TAFA5: variants seen among roughly 807,000 people sequenced by gnomAD.
The protein encoded by TAFA5 is TAFA chemokine like family member 5, also known as chemokine-like protein TAFA-5.
TAFA5 carries 6 observed loss-of-function variants against 15.3 expected under a neutral mutation model. That is an observed-to-expected ratio of 0.39 (90% confidence interval 0.21 to 0.77). TAFA5 has a LOEUF of 0.77. TAFA5 is among the 30% of genes least tolerant of loss of function. TAFA5 has a pLI of 0.41. For missense variants in TAFA5, 161 were observed against 193.1 expected (o/e 0.83, Z 0.98); for synonymous variants, 103 against 80.7 (o/e 1.28, Z -1.48).
At chr22:48,729,359 A>AG (rs1477706968) in intron 3 of TAFA5, among the ~76,000 whole-genome samples, 11 of 122,788 alleles carry the variant, frequency 9.0e-5, no homozygotes, top group East Asian at 4.2e-4. Flanking sequence ...TTATATTAGT[A>AG]TATAATAATT....
chr22:48,705,943 A>T (rs1187358781), intron 2 of TAFA5, among the ~76,000 whole-genome samples: 6 of 152,184 alleles, frequency 3.9e-5, no homozygotes, highest in Non-Finnish European at 8.8e-5. Context: ...TTCTTTATTT[A>T]AAAAAAGGAA....
chr22:48,662,993 C>T (rs1056252394), intron 2 of TAFA5, among the ~76,000 whole-genome samples: 2 of 152,154 alleles, frequency 1.3e-5, no homozygotes, highest in Non-Finnish European at 2.9e-5. Context: ...CTCATGCCTC[C>T]CACAGGAGCA....
intron 2 of TAFA5, among the ~76,000 whole-genome samples, chr22:48,707,512 C>T (rs889883348): frequency 6.6e-6 from 1 of 152,130 alleles, no homozygotes; most frequent in African/African-American, 2.4e-5. Context: ...CAGAGCGGGA[C>T]TTGGGGAGCA....
rs186852278 is a variant in TAFA5 at position 48,594,159 on chromosome 22, C to T, written c.113-52438C>T. Among the ~76,000 whole-genome samples, 14 of 152,198 alleles carry T rather than the reference C, an allele frequency of 9.2e-5. No individual in the cohort carries two copies. The East Asian group carries it at 1.9e-3, about 21-fold the overall frequency. On this transcript the variant is annotated intron_variant, in intron 1 of 3. Transcript: ENST00000402357. ...CTCTTTCTCTGGGGATGCACAGGGG[C>T]GGTGAGAGGGAAGCAGGCGGCTGCT...
At chr22:48,569,680 G>A (rs753013748) in intron 1 of TAFA5, among the ~76,000 whole-genome samples, 26 of 152,330 alleles carry the variant, frequency 1.7e-4, no homozygotes, top group Non-Finnish European at 3.1e-4. Context: ...CACGGGGGCC[G>A]GGCTCGTCAA....
intron 3 of TAFA5, among the ~76,000 whole-genome samples, chr22:48,715,456 C>T (rs929487944): frequency 4.6e-5 from 7 of 151,310 alleles, no homozygotes; most frequent in African/African-American, 1.5e-4. Flanking sequence ...GGCAGGGAGG[C>T]GAGGAGGCTG....
chr22:48,578,971 T>C (rs1923927181), intron 1 of TAFA5, among the ~76,000 whole-genome samples: 1 of 152,148 alleles, frequency 6.6e-6, no homozygotes, highest in African/African-American at 2.4e-5. Context: ...GGGTGGACAA[T>C]TGTGACTTGT....
chr22:48,570,531 AT>A (rs1256374529), intron 1 of TAFA5, among the ~76,000 whole-genome samples: 1 of 151,972 alleles, frequency 6.6e-6, no homozygotes, highest in African/African-American at 2.4e-5. Context: ...TCACGAATAC[AT>A]TTTTAGTTTC....
At chr22:48,529,292 G>A (rs1438122990) in intron 1 of TAFA5, among the ~76,000 whole-genome samples, 2 of 98,800 alleles carry the variant, frequency 2.0e-5, no homozygotes, top group Non-Finnish European at 4.7e-5. Context: ...AGGAGATGGG[G>A]GTGTCCAGGC....
chr22:48,649,366 G>A (rs1041091192), intron 2 of TAFA5, among the ~76,000 whole-genome samples: 3 of 152,218 alleles, frequency 2.0e-5, no homozygotes, highest in Non-Finnish European at 4.4e-5. Context: ...TGGCACTTGG[G>A]AGGGAGAGTG....
chr22:48,507,564 T>C (rs570994325), intron 1 of TAFA5, among the ~76,000 whole-genome samples: 1 of 152,282 alleles, frequency 6.6e-6, no homozygotes, highest in African/African-American at 2.4e-5. Context: ...CCAGCACGCC[T>C]CCCCAGAGTT....
At chr22:48,607,128 C>T (rs1157642128) in intron 1 of TAFA5, among the ~76,000 whole-genome samples, 1 of 152,248 alleles carries the variant, frequency 6.6e-6, no homozygotes, top group East Asian at 1.9e-4. Context: ...CCGTTAGCCT[C>T]GGAGGCAGTG....
intron 1 of TAFA5, among the ~76,000 whole-genome samples, chr22:48,644,201 C>T (rs903900606): frequency 1.3e-5 from 2 of 152,150 alleles, no homozygotes; most frequent in African/African-American, 2.4e-5. Context: ...TCCAAGTTCC[C>T]GCCCCACAGC....
At chr22:48,645,510 AT>A (rs1344105078) in intron 1 of TAFA5, among the ~76,000 whole-genome samples, 2 of 152,038 alleles carry the variant, frequency 1.3e-5, no homozygotes, top group African/African-American at 4.8e-5. Context: ...CAGGGAAATT[AT>A]TTATGTTGGC....
intron 1 of TAFA5, among the ~76,000 whole-genome samples, chr22:48,551,037 C>T (rs2147126312): frequency 6.6e-6 from 1 of 152,118 alleles, no homozygotes; most frequent in East Asian, 2.0e-4. Flanking sequence ...CCCAGGGCTG[C>T]TCTGAGGGCA....
At chr22:48,611,518 G>T (rs189456343) in intron 1 of TAFA5, among the ~76,000 whole-genome samples, 1 of 152,158 alleles carries the variant, frequency 6.6e-6, no homozygotes, top group Non-Finnish European at 1.5e-5. Flanking sequence ...TATGCCTGGC[G>T]AGGGCTTTTG....
At chr22:48,593,451 A>T (rs1159035700) in intron 1 of TAFA5, among the ~76,000 whole-genome samples, 1 of 147,886 alleles carries the variant, frequency 6.8e-6, no homozygotes. Context: ...CACCAGGTAG[A>T]GGTTCTGAGC....
intron 1 of TAFA5, among the ~76,000 whole-genome samples, chr22:48,633,528 GTCTGTCTCTCCC>G (rs1048655030): frequency 8.3e-5 from 11 of 133,126 alleles, no homozygotes; most frequent in East Asian, 4.7e-4. Context: ...CTGTCTGTCT[GTCTGTCTCTCCC>G]TCTCTCTCTC....
Position 48,662,847 on chromosome 22 carries a change from T to C in TAFA5, c.262+16101T>C, listed in dbSNP as rs865921013. On this transcript the variant is annotated intron_variant, in intron 2 of 3. Coordinates refer to ENST00000402357, the MANE Select transcript of TAFA5 (RefSeq NM_001082967.3). ...ATCCTGGCCTACCCGCTGTCGCAGC[T>C]GCAATGGTGGCCTCCCCCAATCCTT... Among the ~76,000 whole-genome samples, 18 of 152,350 alleles carry C rather than the reference T, an allele frequency of 1.2e-4. No homozygotes were observed. In the Middle Eastern group the frequency reaches 0.01, roughly 86 times the overall value.
Sources: gnomAD v4.1 joint callset for allele counts (sites outside exome capture counted in the v4.1 genomes callset) on GRCh38, gnomAD v4.1.1 for gene constraint, MANE v1.5 for transcripts, NCBI Gene and HGNC (gene_info 2026-07-23, HGNC 2026-07-21) for gene names.